IMMP2L: variants seen among roughly 807,000 people sequenced by gnomAD.
IMMP2L encodes inner mitochondrial membrane peptidase subunit 2.
A neutral mutation model predicts 19.3 loss-of-function variants in IMMP2L; 18 were observed. The ratio of observed to expected loss-of-function variants is 0.93; its 90% confidence interval spans 0.64 to 1.38. The LOEUF is 1.38. IMMP2L is among the 40% of genes most tolerant of loss of function. The probability of loss-of-function intolerance (pLI) is 0.00; values close to 1 mark genes in which losing one functional copy is unlikely to be tolerated. For missense variants in IMMP2L, 233 were observed against 218.2 expected (o/e 1.07, Z -0.43); for synonymous variants, 76 against 73.0 (o/e 1.04, Z -0.21).
chr7:111,184,343 T>C (rs1586729451), intron 3 of IMMP2L, among the ~76,000 whole-genome samples: 1 of 152,050 alleles, frequency 6.6e-6, no homozygotes, highest in Non-Finnish European at 1.5e-5. Context: ...CCCTGAAAGG[T>C]ATCATCATTT....
intron 5 of IMMP2L, among the ~76,000 whole-genome samples, chr7:110,718,516 A>C (rs1021097442): frequency 5.3e-5 from 8 of 152,324 alleles, no homozygotes; most frequent in Non-Finnish European, 1.2e-4. Flanking sequence ...CCAAAAAATA[A>C]AGAGCAGACT....
intron 3 of IMMP2L, among the ~76,000 whole-genome samples, chr7:110,980,229 T>TTTTTTC (rs1821138359): frequency 7.4e-6 from 1 of 135,428 alleles, no homozygotes; most frequent in African/African-American, 2.7e-5. Context: ...TGCTGCTTCT[T>TTTTTTC]TTTTTTTTTT....
At chr7:111,231,487 A>G (rs567696607) in intron 3 of IMMP2L, among the ~76,000 whole-genome samples, 1 of 152,070 alleles carries the variant, frequency 6.6e-6, no homozygotes, top group South Asian at 2.1e-4. Flanking sequence ...TCTCAGCTTA[A>G]TGTTACTTCT....
intron 3 of IMMP2L, among the ~76,000 whole-genome samples, chr7:111,095,682 T>C (rs1797326255): frequency 6.6e-6 from 1 of 152,034 alleles, no homozygotes; most frequent in African/African-American, 2.4e-5. Flanking sequence ...GACTCAGCTA[T>C]TGATCATCCA....
intron 5 of IMMP2L, among the ~76,000 whole-genome samples, chr7:110,737,900 G>A (rs924929875): frequency 2.0e-5 from 3 of 152,112 alleles, no homozygotes; most frequent in East Asian, 1.9e-4. Flanking sequence ...GTAGACCCTC[G>A]CTAGTACCAG....
intron 3 of IMMP2L, among the ~76,000 whole-genome samples, chr7:111,342,274 C>CT (rs551951109): frequency 1.6e-3 from 239 of 152,046 alleles, no homozygotes; most frequent in African/African-American, 5.5e-3. Context: ...TTTATAAAAT[C>CT]TTTTTTGCAT....
In IMMP2L at chr7:111,514,003, A is replaced by G. The variant is rs548915869; in HGVS notation, c.135+7310T>C. Among the ~76,000 whole-genome samples the G allele has an allele frequency of 3.2e-4, 49 of 152,198 alleles. 1 individual carries two copies. The highest frequency in any genetic ancestry group is 9.6e-4 in the African/African-American group (40 of 41,536). ...AAAAGCTGGACTCACAGAAGCAGAG[A>G]GTAGAATAGTGGTTGCAAAGAGCTG... On this transcript the variant is annotated intron_variant, in intron 2 of 5. Transcript: ENST00000405709.
intron 5 of IMMP2L, among the ~76,000 whole-genome samples, chr7:110,794,719 G>T (rs1420194543): frequency 1.3e-5 from 2 of 151,936 alleles, no homozygotes; most frequent in Non-Finnish European, 2.9e-5. Flanking sequence ...AGAAAATAAG[G>T]AAAGTGTAAG....
chr7:111,253,506 C>T (rs1328104423), intron 3 of IMMP2L, among the ~76,000 whole-genome samples: 1 of 152,032 alleles, frequency 6.6e-6, no homozygotes, highest in Non-Finnish European at 1.5e-5. Context: ...TGAAAGGAGG[C>T]TGCATATGAT....
intron 4 of IMMP2L, among the ~76,000 whole-genome samples, chr7:110,912,971 C>T (rs555089040): frequency 3.3e-5 from 5 of 152,050 alleles, no homozygotes; most frequent in African/African-American, 4.8e-5. Flanking sequence ...TGGCAAACGA[C>T]ATTGTGGAAG....
intron 3 of IMMP2L, among the ~76,000 whole-genome samples, chr7:111,293,298 A>C (rs1821301161): frequency 6.6e-6 from 1 of 151,972 alleles, no homozygotes; most frequent in African/African-American, 2.4e-5. Context: ...ACTTTTTGTG[A>C]GAGCAATTTT....
At chr7:111,231,710 T>C (rs766833844) in intron 3 of IMMP2L, among the ~76,000 whole-genome samples, 11 of 151,978 alleles carry the variant, frequency 7.2e-5, no homozygotes, top group Non-Finnish European at 1.3e-4. Context: ...TGAAAGTGAA[T>C]GAATAAATGA....
At chr7:111,493,499 G>A (rs1387779986) in intron 2 of IMMP2L, among the ~76,000 whole-genome samples, 4 of 151,714 alleles carry the variant, frequency 2.6e-5, no homozygotes, top group African/African-American at 4.8e-5. Context: ...TCAGGAGATC[G>A]AGACCATCCT....
chr7:110,931,189 GA>G, intron 4 of IMMP2L, among the ~76,000 whole-genome samples: 1 of 152,122 alleles, frequency 6.6e-6, no homozygotes, highest in Non-Finnish European at 1.5e-5. Flanking sequence ...TGTTTTGCAG[GA>G]AAGTTCCAAA....
At chr7:110,954,466 A>G (rs1818164998) in intron 4 of IMMP2L, among the ~76,000 whole-genome samples, 1 of 152,110 alleles carries the variant, frequency 6.6e-6, no homozygotes. Flanking sequence ...GGCACTCAAT[A>G]AATCATGATT....
intron 5 of IMMP2L, among the ~76,000 whole-genome samples, chr7:110,672,921 T>C (rs1029413173): frequency 2.0e-5 from 3 of 152,204 alleles, no homozygotes; most frequent in African/African-American, 7.2e-5. Context: ...CAATGCAAGC[T>C]GTCAGTGGAT....
chr7:111,442,961 G>A (rs1271766826), intron 3 of IMMP2L, among the ~76,000 whole-genome samples: 2 of 151,872 alleles, frequency 1.3e-5, no homozygotes, highest in Non-Finnish European at 2.9e-5. Context: ...TAACACCAAA[G>A]TGGAACACAG....
At chr7:110,922,814 G>C (rs755830056) in intron 4 of IMMP2L, among the ~76,000 whole-genome samples, 9 of 152,102 alleles carry the variant, frequency 5.9e-5, no homozygotes, top group Non-Finnish European at 1.2e-4. Flanking sequence ...ACTGTTTCTC[G>C]CTAAAGTCTG....
intron 3 of IMMP2L, among the ~76,000 whole-genome samples, chr7:110,968,814 G>A (rs147460644): frequency 6.6e-6 from 1 of 152,252 alleles, no homozygotes; most frequent in African/African-American, 2.4e-5. Flanking sequence ...TAACTAGTGA[G>A]AGAAAACGCA....
Sources: gnomAD v4.1 joint callset for allele counts (sites outside exome capture counted in the v4.1 genomes callset) on GRCh38, gnomAD v4.1.1 for gene constraint, MANE v1.5 for transcripts, NCBI Gene and HGNC (gene_info 2026-07-23, HGNC 2026-07-21) for gene names.